BTAF1: variants seen among roughly 807,000 people sequenced by gnomAD.
BTAF1 encodes the protein TATA-binding protein-associated factor 172.
Under a neutral mutation model 227.1 loss-of-function variants are expected in BTAF1, and 38 were observed. The ratio of observed to expected loss-of-function variants is 0.17; its 90% CI spans 0.13 to 0.22. BTAF1 has a LOEUF of 0.22. Among genes scored for constraint, BTAF1 ranks in the 10% least tolerant of loss-of-function variants. The pLI is 1.00. For missense variants in BTAF1, 1,598 were observed against 2,204.0 expected, an observed-to-expected ratio of 0.73 and a Z score of 5.51; for synonymous variants, 742 against 751.9, an observed-to-expected ratio of 0.99 and a Z score of 0.21.
At chr10:92,018,511 C>T (rs982297426) in intron 33 of BTAF1, among the ~76,000 whole-genome samples, 2 of 152,152 alleles carry the variant, frequency 1.3e-5, no homozygotes, top group African/African-American at 4.8e-5. Context: ...CTAAGACGCT[C>T]AATTTGCCAT....
At position 92,026,744 on chromosome 10, in the gene BTAF1, T is replaced by C. The variant is rs1453918414; in HGVS notation, c.5228T>C (p.Ile1743Thr). Residue 1743 changes from isoleucine (I) to threonine (T), a missense_variant, in exon 36 of 38, where the codon ATT becomes ACT. Transcript: ENST00000265990. Reference sequence around the variant, plus strand: ...CAAGCCATGGACCGGGCCCATCGCATTGGGCAGGTAAAAGTCAATTTTACC... The same window carrying C: ...CAAGCCATGGACCGGGCCCATCGCACTGGGCAGGTAAAAGTCAATTTTACC... Reference protein sequence around the residue: ...DLQAMDRAHRIGQKRVVNVYR... With the variant: ...DLQAMDRAHRTGQKRVVNVYR... The C allele has an allele frequency of 3.1e-6, 5 of 1,612,570 alleles. No homozygotes were observed. The highest frequency in any genetic ancestry group is 3.4e-5 in the Admixed American group (2 of 59,640).
At position 91,943,646 on chromosome 10, in the gene BTAF1, G is replaced by A. The variant is rs1406909500; in HGVS notation, c.400+1078G>A. Among the ~76,000 whole-genome samples, 6 of 151,988 alleles carry A rather than the reference G, an allele frequency of 3.9e-5. No homozygotes were observed. The South Asian group carries it at 8.3e-4, about 21-fold the overall frequency. On this transcript the variant is annotated intron_variant, in intron 4 of 37. Transcript: ENST00000265990. ...TAGTTATTTTTGCAGAGAATTAAGAGGATAATTTGCTTAAGTTTTGGAAAA... is the reference window on the plus strand; with the variant it reads ...TAGTTATTTTTGCAGAGAATTAAGAAGATAATTTGCTTAAGTTTTGGAAAA...
At chr10:92,001,666 T>TA (rs997926024) in intron 25 of BTAF1, among the ~76,000 whole-genome samples, 6 of 151,910 alleles carry the variant, frequency 3.9e-5, no homozygotes, top group South Asian at 2.1e-4. Flanking sequence ...AGGAATAATT[T>TA]AAAAAAAATA....
At chr10:91,962,824 T>C (rs1029676333) in intron 12 of BTAF1, 146 bp downstream of exon 12, 8 of 611,716 alleles carry the variant, frequency 1.3e-5, no homozygotes, top group Non-Finnish European at 2.2e-5. Flanking sequence ...GCAATCTTGA[T>C]TATATATTGT....
chr10:91,970,940 C>T (rs1316822434), intron 14 of BTAF1, among the ~76,000 whole-genome samples: 1 of 152,192 alleles, frequency 6.6e-6, no homozygotes, highest in Admixed American at 6.5e-5. Flanking sequence ...TGTACTTTCA[C>T]AGACGTTTTA....
At chr10:91,963,654 G>A (rs1055252900) in intron 12 of BTAF1, among the ~76,000 whole-genome samples, 7 of 152,116 alleles carry the variant, frequency 4.6e-5, no homozygotes, top group Non-Finnish European at 7.3e-5. Context: ...AAAGTTAGAA[G>A]TACAGTAAGC....
At chr10:92,027,405 A>G (rs1851588972) in intron 37 of BTAF1, 105 bp downstream of exon 37, 1 of 1,047,528 alleles carries the variant, frequency 9.5e-7, no homozygotes, top group Non-Finnish European at 1.4e-6. Flanking sequence ...TTTAGTATCC[A>G]TGAGATCACC....
chr10:91,957,211 T>G lies in BTAF1; in HGVS notation c.832-14T>G. On this transcript the variant is annotated splice_polypyrimidine_tract_variant and intron_variant, in intron 7 of 37. Coordinates refer to ENST00000265990, the MANE Select transcript of BTAF1 (RefSeq NM_003972.3). ...ACCTTTTGAACTAGTAGTAATTCTG[T>G]TTTTCTTATTCAGACAAATGAATGG... 1 of 1,608,852 alleles carries G rather than the reference T, an allele frequency of 6.2e-7. No individual in the cohort carries two copies.
chr10:92,004,178 TTG>T (rs1419098909), intron 25 of BTAF1, among the ~76,000 whole-genome samples: 1 of 152,222 alleles, frequency 6.6e-6, no homozygotes, highest in East Asian at 1.9e-4. Flanking sequence ...ATTCTGTTGG[TTG>T]TCTCTTCAGT....
intron 20 of BTAF1, among the ~76,000 whole-genome samples, chr10:91,991,291 T>TATATATATATATAA (rs1456317058): frequency 1.5e-5 from 2 of 133,048 alleles, no homozygotes; most frequent in South Asian, 2.6e-4. Flanking sequence ...TATATATATA[T>TATATATATATATAA]AAATTATCCG....
intron 34 of BTAF1, among the ~76,000 whole-genome samples, chr10:92,021,041 C>T (rs1484855313): frequency 6.6e-6 from 1 of 152,114 alleles, no homozygotes; most frequent in Admixed American, 6.5e-5. Context: ...CCTTCTTATC[C>T]ATTTTCTTGG....
At position 92,024,870 on chromosome 10, in the gene BTAF1, G is replaced by A. The variant is rs781300845; in HGVS notation, c.4978G>A (p.Val1660Ile). ...FCQLKSMLDI[V>I]EHDLLKPHLP... The stretch of plus-strand genomic sequence containing the variant: ...TCAGCTGAAAAGCATGCTTGATATA[G>A]TAGAGCATGATCTCCTCAAACCTCA... The change falls in exon 35 of 38, where the codon GTA becomes ATA. Residue 1660 changes from valine (V) to isoleucine (I), a missense_variant. Val to Ile is a conservative substitution (Grantham distance 29). Transcript: ENST00000265990. 3.1e-6 allele frequency: 5 copies of A among 1,613,840 alleles called. No individual in the cohort carries two copies. In the South Asian group the frequency reaches 5.5e-5, roughly 18 times the overall value.
chr10:92,014,146 A>T, intron 32 of BTAF1, 117 bp downstream of exon 32: 1 of 1,080,368 alleles, frequency 9.3e-7, no homozygotes, highest in Non-Finnish European at 1.3e-6. Context: ...GATGCAGATA[A>T]AGCCTAAATG....
At chr10:91,951,679 G>T in intron 5 of BTAF1, 113 bp downstream of exon 5, 1 of 1,101,224 alleles carries the variant, frequency 9.1e-7, no homozygotes, top group East Asian at 2.7e-5. Context: ...GTTCATTGCT[G>T]CTTAGTGCCA....
intron 2 of BTAF1, 84 bp from the exon 3 acceptor site, chr10:91,939,868 C>T: frequency 1.3e-6 from 1 of 780,322 alleles, no homozygotes; most frequent in East Asian, 2.8e-5. Context: ...ACATTAATAA[C>T]AAGTAAATTT....
intron 4 of BTAF1, among the ~76,000 whole-genome samples, chr10:91,945,901 A>C (rs1053474422): frequency 3.9e-5 from 6 of 152,136 alleles, no homozygotes; most frequent in Non-Finnish European, 7.4e-5. Flanking sequence ...ATTTCTACCA[A>C]CAGTACACAA....
intron 11 of BTAF1, 74 bp downstream of exon 11, chr10:91,960,228 G>A (rs1040722624): frequency 1.6e-5 from 23 of 1,445,790 alleles, no homozygotes; most frequent in African/African-American, 1.4e-4. Context: ...CTAATTAGAC[G>A]AAATGGCCGT....
In BTAF1 at chr10:91,982,730, T is replaced by C; in HGVS notation, c.2192T>C (p.Leu731Ser). 1 of 1,612,746 alleles carries C rather than the reference T, an allele frequency of 6.2e-7. No individual in the cohort carries two copies. The highest frequency in any genetic ancestry group is 1.7e-4 in the Middle Eastern group (1 of 6,052). Residue 731 changes from leucine to serine, a missense_variant, in exon 18 of 38, where the codon TTG becomes TCG. Coordinates refer to ENST00000265990, the MANE Select transcript of BTAF1 (RefSeq NM_003972.3). ...KSALQRISVA[L>S]VICEWAALQK... ...GCTTTACAGAGGATTAGTGTAGCTT[T>C]GGTAATCTGTGAATGGGCTGCTTTA...
chr10:91,969,586 G>GC (rs1847150561), intron 14 of BTAF1, among the ~76,000 whole-genome samples: 3 of 152,084 alleles, frequency 2.0e-5, no homozygotes, highest in Non-Finnish European at 4.4e-5. Context: ...GCTGTCAATT[G>GC]TGATTTCTCA....
Sources: allele counts gnomAD v4.1 joint callset (sites outside exome capture counted in the v4.1 genomes callset), GRCh38; gene constraint gnomAD v4.1.1; transcripts MANE v1.5; gene names NCBI Gene and HGNC (gene_info 2026-07-23, HGNC 2026-07-21).